SHISA9: variants seen among roughly 807,000 people sequenced by gnomAD.
SHISA9 encodes the protein protein shisa-9.
Under a neutral mutation model 38.0 loss-of-function variants are expected in SHISA9, and 13 were observed. The ratio of observed to expected loss-of-function variants is 0.34; its 90% confidence interval spans 0.22 to 0.54. The LOEUF (loss-of-function observed/expected upper bound fraction) is 0.54. SHISA9 is among the 20% of genes least tolerant of loss of function. SHISA9 has a pLI of 0.91. For synonymous variants in SHISA9, 275 were observed against 242.0 expected, an observed-to-expected ratio of 1.14 and a Z score of -1.27; for missense variants, 538 against 575.8, an observed-to-expected ratio of 0.93 and a Z score of 0.67.
intron 2 of SHISA9, among the ~76,000 whole-genome samples, chr16:13,118,680 C>T (rs1213713764): frequency 6.6e-6 from 1 of 151,964 alleles, no homozygotes; most frequent in Non-Finnish European, 1.5e-5. Flanking sequence ...GGCCTTAGTA[C>T]ACTAAAGTCT....
chr16:13,001,149 A>C (rs995233711), intron 2 of SHISA9, among the ~76,000 whole-genome samples: 6 of 152,208 alleles, frequency 3.9e-5, no homozygotes, highest in African/African-American at 1.4e-4. Flanking sequence ...GCTAGTCTTG[A>C]ACTCCTGACA....
At chr16:12,951,220 CCAAAAAAAAAAAA>C (rs2071751905) in intron 2 of SHISA9, among the ~76,000 whole-genome samples, 1 of 77,686 alleles carries the variant, frequency 1.3e-5, no homozygotes, top group African/African-American at 5.4e-5. Flanking sequence ...GACTCCTTCT[CCAAAAAAAAAAAA>C]AAAAAAAAAA....
intron 2 of SHISA9, among the ~76,000 whole-genome samples, chr16:12,932,317 A>G (rs1409207085): frequency 6.6e-6 from 1 of 151,994 alleles, no homozygotes; most frequent in Non-Finnish European, 1.5e-5. Context: ...TTACTTCACA[A>G]CTCTGCAAAG....
the SHISA9 span, among the ~76,000 whole-genome samples, chr16:13,296,017 A>C: frequency 6.6e-6 from 1 of 152,138 alleles, no homozygotes; most frequent in Non-Finnish European, 1.5e-5. Flanking sequence ...GGATTTTTTC[A>C]TGCCTTTCTT....
chr16:13,337,114 G>A, the SHISA9 span, among the ~76,000 whole-genome samples: 1 of 152,186 alleles, frequency 6.6e-6, no homozygotes, highest in Non-Finnish European at 1.5e-5. Context: ...GAGAGCCCAT[G>A]CGCTTTGTCA....
At chr16:13,543,728 T>TC in the SHISA9 span, among the ~76,000 whole-genome samples, 1 of 152,078 alleles carries the variant, frequency 6.6e-6, no homozygotes, top group African/African-American at 2.4e-5. Flanking sequence ...TGCACACAAC[T>TC]CCTTGCCTCC....
intron 2 of SHISA9, among the ~76,000 whole-genome samples, chr16:13,021,962 A>G (rs1222550291): frequency 6.6e-6 from 1 of 152,162 alleles, no homozygotes; most frequent in African/African-American, 2.4e-5. Flanking sequence ...TGGAGGCAGT[A>G]AGTCTGAAAT....
At chr16:13,525,414 A>G in the SHISA9 span, among the ~76,000 whole-genome samples, 1 of 152,234 alleles carries the variant, frequency 6.6e-6, no homozygotes, top group Non-Finnish European at 1.5e-5. Context: ...ATTTAAGCCC[A>G]TAACAAAAAA....
At chr16:13,102,553 C>G (rs781013825) in intron 2 of SHISA9, among the ~76,000 whole-genome samples, 27 of 152,120 alleles carry the variant, frequency 1.8e-4, no homozygotes, top group Non-Finnish European at 5.9e-5. Flanking sequence ...CCTAATGTAG[C>G]CTTCTTGGGC....
the SHISA9 span, among the ~76,000 whole-genome samples, chr16:13,558,869 A>G: frequency 0.019 from 2,914 of 152,340 alleles, 94 homozygotes; most frequent in African/African-American, 0.067. Context: ...TCATCACCTG[A>G]TTAACATTTT....
chr16:13,383,075 T>A, the SHISA9 span, among the ~76,000 whole-genome samples: 1 of 152,148 alleles, frequency 6.6e-6, no homozygotes, highest in African/African-American at 2.4e-5. Flanking sequence ...TCATGGAACT[T>A]ACATTCTCAT....
At chr16:13,337,862 A>G in the SHISA9 span, among the ~76,000 whole-genome samples, 1 of 152,164 alleles carries the variant, frequency 6.6e-6, no homozygotes, top group Non-Finnish European at 1.5e-5. Flanking sequence ...CTGCTCTGCC[A>G]TGTAAAGATG....
intron 2 of SHISA9, among the ~76,000 whole-genome samples, chr16:13,190,940 G>T (rs1463939470): frequency 6.6e-6 from 1 of 151,370 alleles, no homozygotes; most frequent in East Asian, 1.9e-4. Context: ...ATTCCTGCTG[G>T]TCTCTCTGCC....
the SHISA9 span, among the ~76,000 whole-genome samples, chr16:13,368,950 A>T: frequency 2.3e-4 from 35 of 152,300 alleles, no homozygotes; most frequent in East Asian, 5.8e-3. Flanking sequence ...CCTTAGTAAG[A>T]TTATTTATAT....
At chr16:13,301,128 A>G in the SHISA9 span, among the ~76,000 whole-genome samples, 1 of 152,274 alleles carries the variant, frequency 6.6e-6, no homozygotes, top group South Asian at 2.1e-4. Flanking sequence ...TCCCTGTGGA[A>G]GTGCCTTAGA....
the SHISA9 span, among the ~76,000 whole-genome samples, chr16:13,287,647 T>C: frequency 3.3e-3 from 497 of 152,082 alleles, 2 homozygotes; most frequent in Non-Finnish European, 5.1e-3. Context: ...CCCTGCAGGG[T>C]CTTTTATTTG....
At chr16:13,326,473 C>T in the SHISA9 span, among the ~76,000 whole-genome samples, 1 of 152,218 alleles carries the variant, frequency 6.6e-6, no homozygotes. Context: ...GTAATCCCAG[C>T]ACTTTGGGAG....
intron 2 of SHISA9, among the ~76,000 whole-genome samples, chr16:13,059,317 C>T (rs1052399647): frequency 2.6e-5 from 4 of 151,952 alleles, no homozygotes; most frequent in East Asian, 1.9e-4. Context: ...TTAGTAGAGA[C>T]GGAGTTTCAC....
At chr16:13,339,687 G>T in the SHISA9 span, among the ~76,000 whole-genome samples, 1 of 152,144 alleles carries the variant, frequency 6.6e-6, no homozygotes, top group African/African-American at 2.4e-5. Context: ...ATAACAGCAT[G>T]GTGTTTAACC....
Sources: allele counts gnomAD v4.1 joint callset (sites outside exome capture counted in the v4.1 genomes callset), GRCh38; gene constraint gnomAD v4.1.1; transcripts MANE v1.5; gene names NCBI Gene and HGNC (gene_info 2026-07-23, HGNC 2026-07-21).